MED12L: variants seen among roughly 807,000 people sequenced by gnomAD.
MED12L encodes mediator complex subunit 12L.
Under a neutral mutation model 281.3 loss-of-function variants are expected in MED12L, and 60 were observed. The ratio of observed to expected loss-of-function variants is 0.21; its 90% CI spans 0.17 to 0.26. The LOEUF is 0.26. MED12L is among the 10% of genes least tolerant of loss of function. The probability of loss-of-function intolerance (pLI) is 1.00; values close to 1 mark genes in which losing one functional copy is unlikely to be tolerated. For synonymous variants in MED12L, 974 were observed against 987.2 expected (o/e 0.99, Z 0.25); for missense variants, 2,146 against 2,680.9 (o/e 0.80, Z 4.41).
chr3:151,223,258 C>T (rs1729774895), intron 16 of MED12L, among the ~76,000 whole-genome samples: 1 of 149,948 alleles, frequency 6.7e-6, no homozygotes, highest in South Asian at 2.1e-4. Context: ...TAAATTAGTT[C>T]AGTCCCTATT....
At chr3:151,246,818 T>C (rs1735628420) in intron 16 of MED12L, among the ~76,000 whole-genome samples, 1 of 152,116 alleles carries the variant, frequency 6.6e-6, no homozygotes, top group African/African-American at 2.4e-5. Context: ...GATACTACCA[T>C]CAGAGTGAAC....
chr3:151,135,654 G>T (rs1716042868), intron 5 of MED12L, among the ~76,000 whole-genome samples: 1 of 152,186 alleles, frequency 6.6e-6, no homozygotes, highest in African/African-American at 2.4e-5. Flanking sequence ...TGAGGTGATA[G>T]CTGCTGGTGG....
At chr3:151,177,439 T>G (rs1722185462) in intron 11 of MED12L, among the ~76,000 whole-genome samples, 1 of 152,200 alleles carries the variant, frequency 6.6e-6, no homozygotes, top group Non-Finnish European at 1.5e-5. Context: ...ATCTTTGAAA[T>G]GGGAATAGCA....
At chr3:151,324,941 CTT>C (rs2149840217) in intron 16 of MED12L, among the ~76,000 whole-genome samples, 1 of 152,208 alleles carries the variant, frequency 6.6e-6, no homozygotes, top group South Asian at 2.1e-4. Context: ...ATAATACTGA[CTT>C]TGGGTTTTTT....
At chr3:151,220,730 G>A (rs1445787122) in intron 16 of MED12L, among the ~76,000 whole-genome samples, 1 of 152,216 alleles carries the variant, frequency 6.6e-6, no homozygotes, top group Non-Finnish European at 1.5e-5. Flanking sequence ...CCACCATGTG[G>A]AACTGTAAGT....
At chr3:151,289,027 A>C (rs1394484017) in intron 16 of MED12L, among the ~76,000 whole-genome samples, 1 of 152,214 alleles carries the variant, frequency 6.6e-6, no homozygotes, top group African/African-American at 2.4e-5. Context: ...ACATTTTACA[A>C]AAAGAGATAT....
chr3:151,250,099 T>C (rs2149444617), intron 16 of MED12L, among the ~76,000 whole-genome samples: 1 of 152,288 alleles, frequency 6.6e-6, no homozygotes, highest in African/African-American at 2.4e-5. Flanking sequence ...CCAAACTTGT[T>C]GGAAATGGTC....
Position 151,190,327 on chromosome 3 carries a change from A to G in MED12L, c.1754-390A>G, listed in dbSNP as rs539414860. ...GCTGGGCTTACAGGCACCCACCACC[A>G]TGCCCAGCTAATTTTTGTATTTTTG... On this transcript the variant is annotated intron_variant, in intron 13 of 44. Transcript: ENST00000687756. Among the ~76,000 whole-genome samples, 116 of 152,042 alleles carry G rather than the reference A, an allele frequency of 7.6e-4. 1 individual carries two copies. Among genetic ancestry groups the G allele is most frequent in the Admixed American group, 1.8e-3 (27 of 15,276 alleles).
chr3:151,272,128 G>A (rs1741064460), intron 16 of MED12L, among the ~76,000 whole-genome samples: 1 of 152,176 alleles, frequency 6.6e-6, no homozygotes. Flanking sequence ...GAGGGCAGAA[G>A]TGACAGTGTG....
intron 16 of MED12L, among the ~76,000 whole-genome samples, chr3:151,349,581 G>A (rs1308809824): frequency 6.7e-6 from 1 of 148,302 alleles, no homozygotes; most frequent in African/African-American, 2.6e-5. Context: ...ACTGCACCCT[G>A]TCCAGGAATA....
At chr3:151,159,751 GA>G (rs1337491361) in intron 7 of MED12L, 80 bp from the exon 8 acceptor site, 44 of 1,340,112 alleles carry the variant, frequency 3.3e-5, no homozygotes, top group Middle Eastern at 3.9e-4. Flanking sequence ...TTTTTTAAAT[GA>G]AAAAAAGTCT....
chr3:151,396,431 C>G (rs1354688698), intron 39 of MED12L, among the ~76,000 whole-genome samples: 1 of 152,112 alleles, frequency 6.6e-6, no homozygotes, highest in Non-Finnish European at 1.5e-5. Context: ...AGTTCAAGAT[C>G]AACCTGGCCA....
chr3:151,180,041 A>G (rs1279527440), intron 11 of MED12L, among the ~76,000 whole-genome samples: 1 of 152,220 alleles, frequency 6.6e-6, no homozygotes, highest in African/African-American at 2.4e-5. Flanking sequence ...GTATCTAGCT[A>G]GTATTGGAAA....
intron 16 of MED12L, among the ~76,000 whole-genome samples, chr3:151,309,936 A>T (rs9876933): frequency 0.11 from 16,846 of 152,188 alleles, 1,230 homozygotes; most frequent in Middle Eastern, 0.17. Flanking sequence ...GTGAAATGGT[A>T]CAACCCAGGG....
intron 16 of MED12L, among the ~76,000 whole-genome samples, chr3:151,331,374 C>T (rs769205063): frequency 3.3e-5 from 5 of 152,190 alleles, no homozygotes; most frequent in Non-Finnish European, 7.3e-5. Flanking sequence ...TTTTCCAATT[C>T]TTTCTTTTCT....
rs560508625 is a variant in MED12L at position 151,108,509 on chromosome 3, T to C, written c.100-7829T>C. The stretch of plus-strand genomic sequence containing the variant: ...CTTGGGGGTCTGAGAGAATGTTCTT[T>C]TGGGGGAGAGGTGGACAAGGCTAGG... On this transcript the variant is annotated intron_variant, in intron 2 of 44. Coordinates refer to ENST00000687756, the MANE Select transcript of MED12L (RefSeq NM_001393769.1). Among the ~76,000 whole-genome samples the C allele has an allele frequency of 1.8e-4, 28 of 152,262 alleles. 1 individual carries two copies. The highest frequency in any genetic ancestry group is 1.7e-3 in the Admixed American group (26 of 15,296).
At chr3:151,179,159 G>A (rs1722425258) in intron 11 of MED12L, among the ~76,000 whole-genome samples, 1 of 152,122 alleles carries the variant, frequency 6.6e-6, no homozygotes, top group Non-Finnish European at 1.5e-5. Context: ...GGCCAACATG[G>A]TGAAACCCCA....
intron 42 of MED12L, among the ~76,000 whole-genome samples, chr3:151,415,097 ATTTG>A (rs1717393616): frequency 6.6e-6 from 1 of 152,192 alleles, no homozygotes; most frequent in Non-Finnish European, 1.5e-5. Context: ...TTACCACATT[ATTTG>A]TTTACTTACC....
intron 39 of MED12L, among the ~76,000 whole-genome samples, chr3:151,406,802 C>CTTTTTT (rs36114038): frequency 7.3e-6 from 1 of 137,364 alleles, no homozygotes; most frequent in Non-Finnish European, 1.6e-5. Context: ...TCTTCTTCTT[C>CTTTTTT]TTTTTTTTTT....
Sources: gnomAD v4.1 joint callset for allele counts (sites outside exome capture counted in the v4.1 genomes callset) on GRCh38, gnomAD v4.1.1 for gene constraint, MANE v1.5 for transcripts, NCBI Gene and HGNC (gene_info 2026-07-23, HGNC 2026-07-21) for gene names.